Variants in NF2 observed in about 807,000 individuals in gnomAD.
NF2 encodes NF2, moesin-ezrin-radixin like (MERLIN) tumor suppressor, also known as merlin.
A neutral mutation model predicts 83.7 loss-of-function variants in NF2; 8 were observed. That is an observed-to-expected ratio of 0.10 (90% confidence interval 0.06 to 0.17). The LOEUF is 0.17. Among genes scored for constraint, NF2 ranks in the 10% least tolerant of loss-of-function variants. The pLI, the probability that NF2 is intolerant of heterozygous loss-of-function variation, is 1.00. For missense variants in NF2, 533 were observed against 744.4 expected (o/e 0.72, Z 3.31); for synonymous variants, 266 against 269.6 (o/e 0.99, Z 0.13).
At chr22:29,669,148 C>T (rs563662399) in intron 10 of NF2, among the ~76,000 whole-genome samples, 5 of 152,316 alleles carry the variant, frequency 3.3e-5, no homozygotes, top group Admixed American at 1.3e-4. Flanking sequence ...AGTCTGTGTG[C>T]ACCTTTCTGA....
chr22:29,693,878 AAC>A (rs2147168406), intron 15 of NF2, among the ~76,000 whole-genome samples: 1 of 152,306 alleles, frequency 6.6e-6, no homozygotes, highest in East Asian at 1.9e-4. Flanking sequence ...CTGGAAATGG[AAC>A]ACAGTCACAC....
chr22:29,606,560 G>A (rs995898501), intron 1 of NF2, among the ~76,000 whole-genome samples: 7 of 152,228 alleles, frequency 4.6e-5, no homozygotes, highest in African/African-American at 1.7e-4. Context: ...CAATGGCAGT[G>A]ACTTCATTTG....
Position 29,604,066 on chromosome 22 carries a change from C to A in NF2, c.68C>A (p.Thr23Asn). 6.2e-7 allele frequency: 1 copy of A among 1,607,912 alleles called. No individual in the cohort carries two copies. Among genetic ancestry groups the A allele is most frequent in the Non-Finnish European group, 8.5e-7 (1 of 1,177,366 alleles). ...AAGAGGAAGCAACCCAAGACGTTCACCGTGAGGATCGTCACCATGGACGCC... is the reference window on the plus strand; with the variant it reads ...AAGAGGAAGCAACCCAAGACGTTCAACGTGAGGATCGTCACCATGGACGCC... ...SLKRKQPKTF[T>N]VRIVTMDAEM... Residue 23 changes from threonine (T) to asparagine (N), a missense_variant, in exon 1 of 16, where the codon ACC (threonine) becomes AAC (asparagine). By Grantham distance (65) the Thr-to-Asn change is moderately conservative (BLOSUM62 0). This residue lies in a region of NF2 where 326 missense variants were observed against 475.1 expected (regional missense o/e 0.69). Coordinates refer to ENST00000338641, the MANE Select transcript of NF2 (RefSeq NM_000268.4).
chr22:29,681,204 A>T (rs2067123838), intron 14 of NF2, among the ~76,000 whole-genome samples: 1 of 152,062 alleles, frequency 6.6e-6, no homozygotes, highest in South Asian at 2.1e-4. Flanking sequence ...ACACTGTTTT[A>T]TTTAATCCTA....
intron 15 of NF2, among the ~76,000 whole-genome samples, chr22:29,687,171 TG>T (rs2067290456): frequency 6.6e-6 from 1 of 152,250 alleles, no homozygotes. Flanking sequence ...TTTGTGCCTG[TG>T]GTCTCCCAAG....
intron 4 of NF2, among the ~76,000 whole-genome samples, chr22:29,652,708 GAC>G (rs1330967779): frequency 1.3e-5 from 2 of 152,154 alleles, no homozygotes; most frequent in Non-Finnish European, 2.9e-5. Flanking sequence ...AGAAAGCTGA[GAC>G]ACAAAAATTT....
intron 13 of NF2, 120 bp downstream of exon 13, chr22:29,675,061 G>A: frequency 1.2e-6 from 1 of 814,034 alleles, no homozygotes; most frequent in Non-Finnish European, 2.0e-6. Flanking sequence ...CACATGGCTG[G>A]ATGAGAGGTG....
chr22:29,694,356 C>T lies in NF2; in HGVS notation c.1738-396C>T, dbSNP rs1267793682. ...ACTAAGATGCTTGCCCTGCCAAGCC[C>T]GGAGGGGATGAGCAGCCTCAGCTGG... On this transcript the variant is annotated intron_variant, in intron 15 of 15. Coordinates refer to ENST00000338641, the MANE Select transcript of NF2 (RefSeq NM_000268.4). This position sits in a 1 kb window ranked among gnomAD's most constrained non-coding sequence, Gnocchi z 4.1. 1.3e-5 allele frequency among the ~76,000 whole-genome samples: 2 copies of T among 152,182 alleles called. No homozygotes were observed. Among genetic ancestry groups the T allele is most frequent in the Non-Finnish European group, 2.9e-5 (2 of 68,036 alleles).
chr22:29,673,263 C>T lies in NF2; in HGVS notation c.1123-6C>T, dbSNP rs147898623. 471 of 1,562,464 alleles carry T rather than the reference C, an allele frequency of 3.0e-4. 1 individual carries two copies. In the African/African-American group the frequency reaches 5.6e-3, roughly 18 times the overall value. ...CCACTTCAGCTAAGAGCACTGTGCC[C>T]TCCAGATGCGGTCTGAGGAGACAGC... On this transcript the variant is annotated splice_polypyrimidine_tract_variant and splice_region_variant and intron_variant, in intron 11 of 15. Coordinates refer to ENST00000338641, the MANE Select transcript of NF2 (RefSeq NM_000268.4).
intron 15 of NF2, among the ~76,000 whole-genome samples, chr22:29,687,847 A>T (rs1295853488): frequency 6.6e-6 from 1 of 152,194 alleles, no homozygotes; most frequent in Non-Finnish European, 1.5e-5. Context: ...GCAGCACCAG[A>T]TGTGGGCATA....
chr22:29,610,331 G>C (rs547611581), intron 1 of NF2, among the ~76,000 whole-genome samples: 2 of 152,076 alleles, frequency 1.3e-5, no homozygotes, highest in East Asian at 3.9e-4. Context: ...GGGTGACAGA[G>C]TGAGACCCTG....
In NF2 at chr22:29,612,987, C is replaced by T. The variant is rs904381147; in HGVS notation, c.114+8875C>T. On this transcript the variant is annotated intron_variant, in intron 1 of 15. Transcript: ENST00000338641. ...GCACATACCTGTAATCCCAGGTACT[C>T]GGGAGGCTGAGGCAGGGAATCGCTT... Among the ~76,000 whole-genome samples, 10 of 151,890 alleles carry T rather than the reference C, an allele frequency of 6.6e-5. No individual in the cohort carries two copies. The East Asian group carries it at 9.7e-4, about 15-fold the overall frequency.
chr22:29,652,022 T>C (rs1009214682), intron 4 of NF2, among the ~76,000 whole-genome samples: 2 of 152,202 alleles, frequency 1.3e-5, no homozygotes, highest in African/African-American at 2.4e-5. Context: ...CCATAAGCCA[T>C]GTGCTGTGCG....
intron 1 of NF2, 39 bp downstream of exon 1, chr22:29,604,151 G>A: frequency 1.3e-6 from 2 of 1,501,972 alleles, no homozygotes; most frequent in Non-Finnish European, 1.8e-6. Flanking sequence ...GGTGACAGTC[G>A]AGGTGGAAGC....
At chr22:29,625,248 G>A (rs1324376272) in intron 1 of NF2, among the ~76,000 whole-genome samples, 1 of 152,104 alleles carries the variant, frequency 6.6e-6, no homozygotes, top group Non-Finnish European at 1.5e-5. Flanking sequence ...TTTGTAACAT[G>A]CTAAGTAATA....
chr22:29,609,432 C>A, intron 1 of NF2: 1 of 432,062 alleles, frequency 2.3e-6, no homozygotes, highest in Non-Finnish European at 4.5e-6. Context: ...GGAGTGAAGA[C>A]CCTAGATCTG....
intron 8 of NF2, 82 bp from the exon 9 acceptor site, chr22:29,664,908 G>T: frequency 1.0e-6 from 1 of 956,770 alleles, no homozygotes. Context: ...TGGCCAGTGT[G>T]GTTGCGCATT....
intron 1 of NF2, among the ~76,000 whole-genome samples, chr22:29,634,158 G>C (rs903576062): frequency 6.6e-6 from 1 of 152,190 alleles, no homozygotes; most frequent in Non-Finnish European, 1.5e-5. Flanking sequence ...AGCTGGCAAA[G>C]AATCCTGTGA....
At chr22:29,693,049 G>A (rs1334911715) in intron 15 of NF2, among the ~76,000 whole-genome samples, 2 of 152,192 alleles carry the variant, frequency 1.3e-5, no homozygotes, top group African/African-American at 2.4e-5. Flanking sequence ...AAACCTGAGC[G>A]GAGATACTGG....
Sources: allele counts gnomAD v4.1 joint callset (sites outside exome capture counted in the v4.1 genomes callset), GRCh38; gene constraint gnomAD v4.1.1; regional missense constraint gnomAD v4.1.1; non-coding constraint Gnocchi (gnomAD v3.1); transcripts MANE v1.5; gene names NCBI Gene and HGNC (gene_info 2026-07-23, HGNC 2026-07-21).